Variants in SORCS1 observed in about 807,000 individuals in gnomAD.
SORCS1 encodes the protein sortilin related VPS10 domain containing receptor 1, also known as VPS10 domain-containing receptor SorCS1.
SORCS1 carries 60 observed loss-of-function variants against 146.1 expected under a neutral mutation model. That is an observed-to-expected ratio of 0.41 (90% CI 0.33 to 0.51). SORCS1 has a LOEUF of 0.51. Ranked by LOEUF, SORCS1 falls within the 20% of genes least tolerant of loss-of-function variation. The pLI, the probability that SORCS1 is intolerant of heterozygous loss-of-function variation, is 0.21. For missense variants in SORCS1, 1,352 were observed against 1,487.6 expected (o/e 0.91, Z 1.50); for synonymous variants, 637 against 584.0 (o/e 1.09, Z -1.31).
intron 8 of SORCS1, among the ~76,000 whole-genome samples, chr10:106,700,431 C>G (rs1854050442): frequency 2.0e-5 from 1 of 51,238 alleles, no homozygotes; most frequent in African/African-American, 3.3e-5. Flanking sequence ...AAAATTAAAG[C>G]TAAGTAACCA....
chr10:106,755,589 T>C (rs987543382), intron 5 of SORCS1, among the ~76,000 whole-genome samples: 5 of 151,898 alleles, frequency 3.3e-5, no homozygotes, highest in Admixed American at 2.6e-4. Flanking sequence ...AATCTTTGTG[T>C]GTGTGTGTGT....
At chr10:106,782,465 T>C (rs1860970521) in intron 3 of SORCS1, among the ~76,000 whole-genome samples, 1 of 152,172 alleles carries the variant, frequency 6.6e-6, no homozygotes, top group South Asian at 2.1e-4. Flanking sequence ...CAGTCCTTCA[T>C]ATGTGTGTTA....
At chr10:106,618,610 G>T (rs559503898) in intron 20 of SORCS1, among the ~76,000 whole-genome samples, 1 of 152,252 alleles carries the variant, frequency 6.6e-6, no homozygotes, top group Non-Finnish European at 1.5e-5. Flanking sequence ...CTAATACAAG[G>T]AAATGATCAA....
intron 24 of SORCS1, among the ~76,000 whole-genome samples, chr10:106,581,482 T>C (rs1162158127): frequency 6.6e-6 from 1 of 152,090 alleles, no homozygotes; most frequent in Non-Finnish European, 1.5e-5. Context: ...AATACTAAGT[T>C]TTAAAAGGAG....
chr10:106,605,757 G>A (rs1846530400), intron 23 of SORCS1, among the ~76,000 whole-genome samples: 1 of 152,126 alleles, frequency 6.6e-6, no homozygotes, highest in Non-Finnish European at 1.5e-5. Flanking sequence ...GGTTCAACAG[G>A]GCTTTCCATG....
At chr10:107,014,268 AAAAAG>A (rs1957803813) in intron 1 of SORCS1, among the ~76,000 whole-genome samples, 1 of 136,448 alleles carries the variant, frequency 7.3e-6, no homozygotes, top group Non-Finnish European at 1.5e-5. Context: ...AAAAAAAAAA[AAAAAG>A]AAAAGAAAAA....
chr10:106,839,434 A>C (rs1012226615), intron 2 of SORCS1, among the ~76,000 whole-genome samples: 1 of 152,208 alleles, frequency 6.6e-6, no homozygotes, highest in Non-Finnish European at 1.5e-5. Flanking sequence ...CCTCAACTCT[A>C]TGAAGGCCAA....
chr10:106,981,911 C>T (rs569585710), intron 1 of SORCS1, among the ~76,000 whole-genome samples: 3 of 152,268 alleles, frequency 2.0e-5, no homozygotes, highest in South Asian at 2.1e-4. Flanking sequence ...GAGAAGCCCA[C>T]GAAATAGTGC....
chr10:106,718,372 T>C (rs1199537946), intron 6 of SORCS1, among the ~76,000 whole-genome samples: 1 of 152,244 alleles, frequency 6.6e-6, no homozygotes, highest in East Asian at 1.9e-4. Context: ...ACTTCATGAA[T>C]GAAGCTGCAG....
intron 1 of SORCS1, among the ~76,000 whole-genome samples, chr10:107,050,426 G>A (rs1959993896): frequency 6.6e-6 from 1 of 152,142 alleles, no homozygotes; most frequent in Non-Finnish European, 1.5e-5. Flanking sequence ...CCTGTGAGGA[G>A]AAGACTCTAA....
intron 1 of SORCS1, among the ~76,000 whole-genome samples, chr10:107,025,541 T>C (rs1356731255): frequency 6.6e-6 from 1 of 152,190 alleles, no homozygotes; most frequent in Non-Finnish European, 1.5e-5. Flanking sequence ...TTTAGTGTAT[T>C]TGCATATAGA....
chr10:106,997,593 A>G (rs73371918), intron 1 of SORCS1, among the ~76,000 whole-genome samples: 7,441 of 152,272 alleles, frequency 0.049, 602 homozygotes, highest in African/African-American at 0.17. Flanking sequence ...AAACAAGACC[A>G]GACAGAGTTT....
intron 2 of SORCS1, among the ~76,000 whole-genome samples, chr10:106,865,894 G>T (rs568653602): frequency 1.3e-5 from 2 of 151,650 alleles, no homozygotes; most frequent in African/African-American, 2.4e-5. Flanking sequence ...TTGGCCAGGC[G>T]TGGTGGCATG....
intron 3 of SORCS1, among the ~76,000 whole-genome samples, chr10:106,789,483 T>C (rs1262367450): frequency 6.6e-6 from 1 of 152,206 alleles, no homozygotes; most frequent in African/African-American, 2.4e-5. Flanking sequence ...CTCTCTCAAG[T>C]TCAAAGTTCC....
chr10:106,715,396 C>T (rs942880225), intron 6 of SORCS1, among the ~76,000 whole-genome samples: 1 of 152,196 alleles, frequency 6.6e-6, no homozygotes, highest in East Asian at 1.9e-4. Context: ...ATGCAATCCC[C>T]ATCCACCCAA....
chr10:106,784,136 C>T (rs1047056486), intron 3 of SORCS1, among the ~76,000 whole-genome samples: 11 of 152,242 alleles, frequency 7.2e-5, no homozygotes, highest in Admixed American at 6.5e-4. Flanking sequence ...TGGCTCACGC[C>T]TGTAATCCCA....
rs183550470 is a variant in SORCS1, at chr10:106,599,111, A to G, written c.3166-1661T>C. ...CAGAAGTGGATTTCTGGCCGGGCAC[A>G]GTGGCTCACTTTGGGAGGCTGAGGT... On this transcript the variant is annotated intron_variant, in intron 23 of 25. Transcript: ENST00000263054. Among the ~76,000 whole-genome samples the G allele has an allele frequency of 3.0e-3, 452 of 152,326 alleles. 3 individuals are homozygous for G. The highest frequency in any genetic ancestry group is 0.01 in the African/African-American group (424 of 41,566).
At chr10:106,681,576 AT>A (rs912119388) in intron 10 of SORCS1, among the ~76,000 whole-genome samples, 21 of 152,150 alleles carry the variant, frequency 1.4e-4, no homozygotes, top group African/African-American at 5.1e-4. Flanking sequence ...TGTGGGCTGG[AT>A]TATCAACCAC....
At chr10:106,742,672 G>T (rs1294607505) in intron 5 of SORCS1, among the ~76,000 whole-genome samples, 2 of 152,106 alleles carry the variant, frequency 1.3e-5, no homozygotes, top group Non-Finnish European at 2.9e-5. Context: ...GAGTCACCAC[G>T]CCTGGCCAAT....
Sources: gnomAD v4.1 joint callset for allele counts (sites outside exome capture counted in the v4.1 genomes callset) on GRCh38, gnomAD v4.1.1 for gene constraint, MANE v1.5 for transcripts, NCBI Gene and HGNC (gene_info 2026-07-23, HGNC 2026-07-21) for gene names.